Variants in EFHC1 observed in about 807,000 individuals in gnomAD.
The protein encoded by EFHC1 is EF-hand domain containing 1, also known as EF-hand domain-containing protein 1.
EFHC1 carries 53 observed loss-of-function variants against 69.9 expected under a neutral mutation model. That is an observed-to-expected ratio of 0.76 (90% CI 0.61 to 0.95). The LOEUF (loss-of-function observed/expected upper bound fraction) is 0.95. Ranked by LOEUF, EFHC1 falls within the 40% of genes least tolerant of loss-of-function variation. EFHC1 has a pLI of 0.00. For synonymous variants in EFHC1, 256 were observed against 278.4 expected, an observed-to-expected ratio of 0.92 and a Z score of 0.80; for missense variants, 739 against 798.7, an observed-to-expected ratio of 0.93 and a Z score of 0.90.
chr6:52,440,044 C>T (rs939678145), intron 3 of EFHC1, among the ~76,000 whole-genome samples: 6 of 152,070 alleles, frequency 3.9e-5, no homozygotes, highest in African/African-American at 1.4e-4. Flanking sequence ...AAGTTAATCA[C>T]TGAGCGTTTG....
rs961492314 is a variant in EFHC1 at position 52,495,026 on chromosome 6, C to G, written c.*2685C>G. The G allele has an allele frequency of 8.8e-6, 4 of 454,096 alleles. No individual in the cohort carries two copies. Among genetic ancestry groups the G allele is most frequent in the African/African-American group, 6.0e-5 (3 of 50,114 alleles). 28.1% of individuals were successfully genotyped at this position (454,096 alleles called of 1,614,324 possible). On this transcript the variant is annotated 3_prime_UTR_variant, in exon 11 of 11. Coordinates refer to ENST00000371068, the MANE Select transcript of EFHC1 (RefSeq NM_018100.4). Reference sequence around the variant, plus strand: ...TCTTAGAACTCTTTCCAACCGGAAACTGCCCAGTGCACCACTCTCAGATGG... The same window carrying G: ...TCTTAGAACTCTTTCCAACCGGAAAGTGCCCAGTGCACCACTCTCAGATGG...
intron 9 of EFHC1, chr6:52,483,187 C>CA (rs1765716414): frequency 8.6e-6 from 2 of 233,904 alleles, no homozygotes; most frequent in Non-Finnish European, 8.2e-6. Flanking sequence ...TGCAATTACT[C>CA]ATAGTTATTA....
rs1257910257 is a variant in EFHC1, at chr6:52,494,448, G to C, written c.*2107G>C. 2.2e-6 allele frequency: 1 copy of C among 454,092 alleles called. No homozygotes were observed. Among genetic ancestry groups the C allele is most frequent in the Non-Finnish European group, 4.4e-6 (1 of 226,796 alleles). The allele number at this position is 454,092 out of a possible 1,614,324, so 28.1% of individuals were successfully genotyped here. ...ATGCTGCTGTTTCTAGCCCATGTAG[G>C]CTCTGGGAAAGGTTAAGCGGGTAGA... On this transcript the variant is annotated 3_prime_UTR_variant, in exon 11 of 11. Transcript: ENST00000371068.
intron 2 of EFHC1, among the ~76,000 whole-genome samples, chr6:52,432,743 T>G (rs575622082): frequency 6.6e-6 from 1 of 152,182 alleles, no homozygotes; most frequent in African/African-American, 2.4e-5. Flanking sequence ...TGTTTGGATG[T>G]CTAGAGAAGT....
At chr6:52,452,985 T>C in intron 4 of EFHC1, 148 bp downstream of exon 4, 1 of 1,567,922 alleles carries the variant, frequency 6.4e-7, no homozygotes, top group Non-Finnish European at 8.6e-7. Context: ...GTCTTTCTGC[T>C]TTCATCAAGG....
At chr6:52,458,802 A>G (rs185553437) in intron 5 of EFHC1, among the ~76,000 whole-genome samples, 108 of 152,344 alleles carry the variant, frequency 7.1e-4, no homozygotes, top group Non-Finnish European at 1.1e-3. Flanking sequence ...AGATACTTGT[A>G]TTCATGTTTA....
intron 9 of EFHC1, chr6:52,485,836 G>C (rs527747560): frequency 6.6e-6 from 1 of 152,246 alleles, no homozygotes; most frequent in Non-Finnish European, 1.5e-5. Context: ...AAATAAGCCT[G>C]CTTTTCTTTT....
chr6:52,475,030 T>G (rs1315634342), intron 7 of EFHC1, among the ~76,000 whole-genome samples: 1 of 151,400 alleles, frequency 6.6e-6, no homozygotes, highest in Non-Finnish European at 1.5e-5. Flanking sequence ...TGCAGTTTTC[T>G]CTCTGTGTTA....
chr6:52,434,339 G>A (rs1764482558), intron 2 of EFHC1, among the ~76,000 whole-genome samples: 1 of 152,174 alleles, frequency 6.6e-6, no homozygotes, highest in African/African-American at 2.4e-5. Flanking sequence ...GGACCCCAGG[G>A]AGACCATAGG....
chr6:52,474,014 C>T (rs775317645), intron 7 of EFHC1, among the ~76,000 whole-genome samples: 2 of 151,994 alleles, frequency 1.3e-5, no homozygotes, highest in African/African-American at 4.8e-5. Flanking sequence ...AAGAGGATAT[C>T]CAAGAGGCAA....
At chr6:52,440,342 G>T (rs1764633411) in intron 3 of EFHC1, among the ~76,000 whole-genome samples, 1 of 152,006 alleles carries the variant, frequency 6.6e-6, no homozygotes, top group Non-Finnish European at 1.5e-5. Context: ...TCTAAGACAT[G>T]CATTTTCTCC....
intron 7 of EFHC1, among the ~76,000 whole-genome samples, chr6:52,472,118 A>T (rs1765448863): frequency 6.7e-6 from 1 of 150,100 alleles, no homozygotes; most frequent in South Asian, 2.1e-4. Flanking sequence ...ACTCGCATAT[A>T]CCCCTGAACC....
intron 9 of EFHC1, chr6:52,482,851 C>T: frequency 2.5e-6 from 1 of 398,602 alleles, no homozygotes; most frequent in African/African-American, 2.1e-5. Flanking sequence ...TGTCGACATT[C>T]CTACAGTCAG....
chr6:52,478,288 G>T (rs13198621), intron 7 of EFHC1, among the ~76,000 whole-genome samples: 5 of 151,636 alleles, frequency 3.3e-5, no homozygotes, highest in South Asian at 4.2e-4. Context: ...GGTGGGAGGA[G>T]GGGGGAGGGA....
intron 9 of EFHC1, among the ~76,000 whole-genome samples, chr6:52,481,327 G>C (rs916714864): frequency 6.6e-6 from 1 of 152,128 alleles, no homozygotes; most frequent in Non-Finnish European, 1.5e-5. Flanking sequence ...CTTCTTTGTT[G>C]GTTGGGGTGG....
chr6:52,441,428 T>G (rs1382095136), intron 3 of EFHC1, among the ~76,000 whole-genome samples: 8 of 152,202 alleles, frequency 5.3e-5, no homozygotes, highest in Non-Finnish European at 2.9e-5. Context: ...GTAGCCTTAT[T>G]TCTGAGCTCC....
intron 5 of EFHC1, among the ~76,000 whole-genome samples, chr6:52,458,302 G>T (rs909103720): frequency 6.6e-6 from 1 of 152,062 alleles, no homozygotes; most frequent in Non-Finnish European, 1.5e-5. Flanking sequence ...AACAAAAATT[G>T]ACAATTGGGA....
At chr6:52,483,071 A>G in intron 9 of EFHC1, 1 of 385,734 alleles carries the variant, frequency 2.6e-6, no homozygotes. Context: ...CTAGTCACCA[A>G]CAGACTTTGA....
chr6:52,481,203 G>T (rs1401595305), intron 9 of EFHC1, among the ~76,000 whole-genome samples: 2 of 152,116 alleles, frequency 1.3e-5, no homozygotes, highest in Admixed American at 1.3e-4. Flanking sequence ...TAGGGGATGT[G>T]AGGGGAAAAG....
Sources: allele counts gnomAD v4.1 joint callset (sites outside exome capture counted in the v4.1 genomes callset), GRCh38; gene constraint gnomAD v4.1.1; transcripts MANE v1.5; gene names NCBI Gene and HGNC (gene_info 2026-07-23, HGNC 2026-07-21).